The following CNTNAP2 variants were observed in gnomAD, a reference collection of about 807,000 sequenced individuals.
CNTNAP2 encodes contactin associated protein 2.
Under a neutral mutation model 155.2 loss-of-function variants are expected in CNTNAP2, and 98 were observed. The ratio of observed to expected loss-of-function variants is 0.63; its 90% confidence interval spans 0.54 to 0.75. The LOEUF (loss-of-function observed/expected upper bound fraction) is 0.75, where lower values mean the gene tolerates loss of function less well. CNTNAP2 is among the 30% of genes least tolerant of loss of function. The pLI, the probability that CNTNAP2 is intolerant of heterozygous loss-of-function variation, is 0.00. For synonymous variants in CNTNAP2, 651 were observed against 631.2 expected, an observed-to-expected ratio of 1.03 and a Z score of -0.47; for missense variants, 1,727 against 1,688.1, an observed-to-expected ratio of 1.02 and a Z score of -0.40.
At position 147,416,793 on chromosome 7, in the gene CNTNAP2, C is replaced by T. The variant is rs554838059; in HGVS notation, c.1670+21013C>T. ...AGTAGGACCAGTATTAGGACATCTG[C>T]ATAAGATTTAATTTTAGAGGCCGTG... On this transcript the variant is annotated intron_variant, in intron 10 of 23. Transcript: ENST00000361727. 4.6e-5 allele frequency among the ~76,000 whole-genome samples: 7 copies of T among 152,232 alleles called. No individual in the cohort carries two copies. The East Asian group carries it at 1.4e-3, about 29-fold the overall frequency.
intron 21 of CNTNAP2, among the ~76,000 whole-genome samples, chr7:148,300,777 T>C (rs1388761214): frequency 6.6e-6 from 1 of 152,130 alleles, no homozygotes; most frequent in Non-Finnish European, 1.5e-5. Context: ...AAAGGACAAA[T>C]ACTGTATGAT....
At chr7:146,288,538 G>T (rs748633284) in intron 1 of CNTNAP2, among the ~76,000 whole-genome samples, 25 of 152,000 alleles carry the variant, frequency 1.6e-4, no homozygotes, top group Non-Finnish European at 3.1e-4. Flanking sequence ...AGAAAAAAAA[G>T]TGTTTTATTT....
intron 13 of CNTNAP2, among the ~76,000 whole-genome samples, chr7:147,790,517 C>A (rs1047364684): frequency 4.6e-5 from 7 of 152,192 alleles, no homozygotes; most frequent in African/African-American, 9.7e-5. Context: ...ATTGTAATAA[C>A]CCTACGTTCT....
At chr7:146,513,187 A>G (rs1313605705) in intron 1 of CNTNAP2, among the ~76,000 whole-genome samples, 3 of 151,908 alleles carry the variant, frequency 2.0e-5, no homozygotes, top group Admixed American at 6.6e-5. Flanking sequence ...GTGTCTTTAT[A>G]GGTGAAGTGA....
At chr7:148,242,599 C>G (rs993370355) in intron 20 of CNTNAP2, among the ~76,000 whole-genome samples, 6 of 152,226 alleles carry the variant, frequency 3.9e-5, no homozygotes, top group African/African-American at 1.4e-4. Context: ...TCGCGGATAC[C>G]GCGATGGCGG....
chr7:148,227,420 A>T (rs1795872947), intron 19 of CNTNAP2, among the ~76,000 whole-genome samples: 1 of 152,172 alleles, frequency 6.6e-6, no homozygotes, highest in African/African-American at 2.4e-5. Flanking sequence ...TGAGAGTGAA[A>T]TGAGGTCAAG....
At chr7:147,971,969 G>A (rs144219149) in intron 14 of CNTNAP2, among the ~76,000 whole-genome samples, 192 of 152,214 alleles carry the variant, frequency 1.3e-3, no homozygotes, top group African/African-American at 1.8e-3. Flanking sequence ...CCCACCCCCC[G>A]AGCAATGTGT....
chr7:146,444,661 C>CTTTTTT (rs772101193), intron 1 of CNTNAP2, among the ~76,000 whole-genome samples: 1 of 142,244 alleles, frequency 7.0e-6, no homozygotes, highest in African/African-American at 2.6e-5. Context: ...TCCTCTCTCT[C>CTTTTTT]TTTTTTTTTT....
chr7:147,077,426 C>T (rs1202954100), intron 4 of CNTNAP2, among the ~76,000 whole-genome samples: 1 of 152,056 alleles, frequency 6.6e-6, no homozygotes, highest in Non-Finnish European at 1.5e-5. Context: ...TTCAACTTCA[C>T]AAAAGGAAAA....
chr7:146,868,513 C>T (rs1585129807), intron 3 of CNTNAP2, among the ~76,000 whole-genome samples: 2 of 152,102 alleles, frequency 1.3e-5, no homozygotes, highest in East Asian at 3.9e-4. Flanking sequence ...CATTTTGGTT[C>T]CGTATGAATT....
intron 15 of CNTNAP2, among the ~76,000 whole-genome samples, chr7:148,000,843 G>A (rs1024837228): frequency 1.3e-5 from 2 of 152,194 alleles, no homozygotes; most frequent in Non-Finnish European, 2.9e-5. Context: ...TCTCTCAACA[G>A]TTCTGGAGCC....
At chr7:147,905,927 A>G (rs932340340) in intron 14 of CNTNAP2, among the ~76,000 whole-genome samples, 8 of 151,616 alleles carry the variant, frequency 5.3e-5, no homozygotes, top group Non-Finnish European at 8.8e-5. Flanking sequence ...AAAAAAACTG[A>G]TGGAAGAAAT....
chr7:146,580,280 T>TTTA (rs1798591584), intron 1 of CNTNAP2, among the ~76,000 whole-genome samples: 1 of 152,176 alleles, frequency 6.6e-6, no homozygotes, highest in Non-Finnish European at 1.5e-5. Context: ...GTTGTATGAC[T>TTTA]TGTTTGTTTT....
At chr7:147,599,770 A>T (rs1800908383) in intron 12 of CNTNAP2, among the ~76,000 whole-genome samples, 1 of 152,138 alleles carries the variant, frequency 6.6e-6, no homozygotes, top group Admixed American at 6.6e-5. Flanking sequence ...CTATGAGGAT[A>T]CCAGTCATTG....
intron 13 of CNTNAP2, chr7:147,894,076 CT>C (rs2116735057): frequency 6.6e-6 from 1 of 152,290 alleles, no homozygotes; most frequent in East Asian, 1.9e-4. Context: ...TCCTTCTCTG[CT>C]CCATCCCATC....
chr7:147,809,235 T>C (rs1012065512), intron 13 of CNTNAP2, among the ~76,000 whole-genome samples: 5 of 152,156 alleles, frequency 3.3e-5, no homozygotes, highest in African/African-American at 9.7e-5. Context: ...TCTCCTTGTT[T>C]CCAGTTTCAG....
chr7:147,292,821 G>A (rs1354292425), intron 8 of CNTNAP2, among the ~76,000 whole-genome samples: 3 of 152,192 alleles, frequency 2.0e-5, no homozygotes, highest in African/African-American at 2.4e-5. Context: ...CCAGGCTGGA[G>A]TGCAATACCA....
intron 1 of CNTNAP2, among the ~76,000 whole-genome samples, chr7:146,151,683 T>TAC (rs1798051219): frequency 7.0e-5 from 1 of 14,202 alleles, no homozygotes; most frequent in East Asian, 1.2e-3. Context: ...TATATATATG[T>TAC]ATATATATAT....
At chr7:147,079,312 T>G (rs1800065718) in intron 4 of CNTNAP2, among the ~76,000 whole-genome samples, 1 of 152,056 alleles carries the variant, frequency 6.6e-6, no homozygotes, top group South Asian at 2.1e-4. Flanking sequence ...GAGCTTCTAA[T>G]TCTGGGACCT....
Sources: gnomAD v4.1 joint callset for allele counts (sites outside exome capture counted in the v4.1 genomes callset) on GRCh38, gnomAD v4.1.1 for gene constraint, MANE v1.5 for transcripts, NCBI Gene and HGNC (gene_info 2026-07-23, HGNC 2026-07-21) for gene names.